The following SVEP1 variants were observed in gnomAD, a reference collection of about 807,000 sequenced individuals.
SVEP1 encodes sushi, von Willebrand factor type A, EGF and pentraxin domain-containing protein 1.
Under a neutral mutation model 367.3 loss-of-function variants are expected in SVEP1, and 164 were observed. The ratio of observed to expected loss-of-function variants is 0.45; its 90% CI spans 0.39 to 0.51. SVEP1 has a LOEUF of 0.51. SVEP1 is among the 20% of genes least tolerant of loss of function. The probability of loss-of-function intolerance (pLI) is 0.00; values close to 1 mark genes in which losing one functional copy is unlikely to be tolerated. For missense variants in SVEP1, 4,117 were observed against 4,425.3 expected (o/e 0.93, Z 1.98); for synonymous variants, 1,666 against 1,611.6 (o/e 1.03, Z -0.81).
intron 1 of SVEP1, among the ~76,000 whole-genome samples, chr9:110,572,186 C>G (rs1480121880): frequency 6.6e-6 from 1 of 152,168 alleles, no homozygotes; most frequent in African/African-American, 2.4e-5. Context: ...ATTTACTTAG[C>G]TATGTGATTT....
chr9:110,465,019 G>A (rs1216589404), intron 18 of SVEP1, among the ~76,000 whole-genome samples: 1 of 152,078 alleles, frequency 6.6e-6, no homozygotes, highest in Non-Finnish European at 1.5e-5. Context: ...ATGTTAGTCA[G>A]AAATACTTAA....
Position 110,386,043 on chromosome 9 carries a change from G to A in SVEP1, c.10092C>T (p.Pro3364=), listed in dbSNP as rs370352992. Residue 3364 remains proline (P), a synonymous_variant, in exon 43 of 48, where the codon CCC becomes CCT. Coordinates refer to ENST00000374469, the MANE Select transcript of SVEP1 (RefSeq NM_153366.4). The part of the protein sequence containing the change: ...PNPCPVPFVI[P]ENALLSEKEF... ...CCTTTTCAGACAGCAGAGCATTCTC[G>A]GGAATCACAAAAGGAACAGGGCATG... The A allele has an allele frequency of 7.3e-5, 118 of 1,613,302 alleles. No individual in the cohort carries two copies. Among genetic ancestry groups the A allele is most frequent in the Middle Eastern group, 4.9e-4 (3 of 6,078 alleles).
chr9:110,451,430 G>A, intron 22 of SVEP1, 28 bp from the exon 23 acceptor site: 1 of 1,584,906 alleles, frequency 6.3e-7, no homozygotes, highest in Non-Finnish European at 8.6e-7. Flanking sequence ...TCTTTGAGCT[G>A]GAGAAAACTT....
intron 37 of SVEP1, among the ~76,000 whole-genome samples, chr9:110,410,139 TA>T (rs1229372232): frequency 6.6e-6 from 1 of 152,250 alleles, no homozygotes; most frequent in African/African-American, 2.4e-5. Flanking sequence ...AAGCCTTAAA[TA>T]AAAGGCTTTT....
chr9:110,455,590 C>A lies in SVEP1; in HGVS notation c.3787G>T (p.Gly1263Cys). The A allele has an allele frequency of 6.2e-7, 1 of 1,609,578 alleles. No individual in the cohort carries two copies. The highest frequency in any genetic ancestry group is 1.3e-5 in the African/African-American group (1 of 74,884). The change falls in exon 22 of 48, where the codon GGT becomes TGT. Residue 1263 changes from glycine (G) to cysteine (C), a missense_variant and splice_region_variant. Transcript: ENST00000374469. ...FICECPSGYT[G>C]QRCEENINEC... Reference sequence around the variant, plus strand: ...TGAAAACAGGAGACCTTCCCCTTACCTGTGTAACCTGATGGGCACTCACAA... The same window carrying A: ...TGAAAACAGGAGACCTTCCCCTTACATGTGTAACCTGATGGGCACTCACAA...
Position 110,408,276 on chromosome 9 carries a change from G to C in SVEP1, c.7324C>G (p.Gln2442Glu), listed in dbSNP as rs773858716. 25 of 1,613,980 alleles carry C rather than the reference G, an allele frequency of 1.5e-5. No individual in the cohort carries two copies. Among genetic ancestry groups the C allele is most frequent in the Non-Finnish European group, 1.8e-5 (21 of 1,179,888 alleles). ...ATTCCATTGGGGATTTCCTCAGGTTGGGGACATTCTACTGGAACACATTCT... is the reference window on the plus strand; with the variant it reads ...ATTCCATTGGGGATTTCCTCAGGTTCGGGACATTCTACTGGAACACATTCT... ...LPECVPVECP[Q>E]PEEIPNGIID... Residue 2442 changes from glutamine to glutamate, a missense_variant, in exon 38 of 48, where the codon CAA becomes GAA. This residue lies in a region of SVEP1 where 1,765 missense variants were observed against 1,781.1 expected (regional missense o/e 0.99). Transcript: ENST00000374469.
intron 29 of SVEP1, among the ~76,000 whole-genome samples, chr9:110,434,734 C>T (rs7025500): frequency 0.84 from 123,051 of 147,112 alleles, 51,545 homozygotes; most frequent in East Asian, 0.99. Context: ...TTAGGAATGT[C>T]AATGAAATGT....
chr9:110,389,228 ACCC>A (rs3215846), intron 41 of SVEP1, among the ~76,000 whole-genome samples: 1 of 151,344 alleles, frequency 6.6e-6, no homozygotes, highest in Non-Finnish European at 1.5e-5. Flanking sequence ...ATTTGAGAAA[ACCC>A]CCCCAAAATG....
chr9:110,394,410 A>T (rs1239922971), intron 40 of SVEP1, among the ~76,000 whole-genome samples: 1 of 152,190 alleles, frequency 6.6e-6, no homozygotes, highest in Non-Finnish European at 1.5e-5. Context: ...AAAAAAACAG[A>T]GCAGAATAAC....
intron 8 of SVEP1, among the ~76,000 whole-genome samples, chr9:110,491,116 A>G (rs1035128054): frequency 2.2e-4 from 34 of 151,842 alleles, no homozygotes; most frequent in African/African-American, 8.2e-4. Flanking sequence ...CCCCTTTATG[A>G]TATTTTAAAA....
chr9:110,379,561 A>C (rs1197543303), intron 43 of SVEP1, 44 bp from the exon 44 acceptor site: 1 of 1,595,106 alleles, frequency 6.3e-7, no homozygotes, highest in East Asian at 2.2e-5. Context: ...CTATTAACAC[A>C]GACTGAGAAC....
chr9:110,552,210 G>A (rs1339671122), intron 1 of SVEP1, among the ~76,000 whole-genome samples: 1 of 151,306 alleles, frequency 6.6e-6, no homozygotes, highest in Non-Finnish European at 1.5e-5. Flanking sequence ...TTTTGTATTT[G>A]TAGTAGAAAC....
At position 110,496,724 on chromosome 9, in the gene SVEP1, C is replaced by T. The variant is rs543574689; in HGVS notation, c.1800+91G>A. ...CTAGAGAACCCTAATACAAGTATTA[C>T]CATGAGCATATTAGTAAGTCTTCAA... On this transcript the variant is annotated intron_variant, in intron 8 of 47. Transcript: ENST00000374469. The T allele has an allele frequency of 6.9e-6, 6 of 875,618 alleles. No individual in the cohort carries two copies. The South Asian group carries it at 9.9e-5, about 14-fold the overall frequency. 54.2% of individuals were successfully genotyped at this position (875,618 alleles called of 1,614,324 possible).
At chr9:110,368,408 C>T (rs1266409549) in intron 47 of SVEP1, among the ~76,000 whole-genome samples, 1 of 152,214 alleles carries the variant, frequency 6.6e-6, no homozygotes, top group African/African-American at 2.4e-5. Context: ...AGGTGAGCTA[C>T]ACCTCTCAGC....
chr9:110,481,616 G>A (rs1425739331), intron 11 of SVEP1, among the ~76,000 whole-genome samples, 180 bp from the exon 12 acceptor site: 6 of 152,222 alleles, frequency 3.9e-5, no homozygotes, highest in African/African-American at 1.4e-4. Flanking sequence ...TTCCTAGATT[G>A]ACATACATTG....
chr9:110,414,782 C>T (rs1430945253), intron 36 of SVEP1, among the ~76,000 whole-genome samples: 1 of 151,712 alleles, frequency 6.6e-6, no homozygotes, highest in Non-Finnish European at 1.5e-5. Context: ...AAAAGAGCAG[C>T]CTACTAGATA....
At chr9:110,381,900 G>A (rs1827444289) in intron 43 of SVEP1, among the ~76,000 whole-genome samples, 1 of 152,154 alleles carries the variant, frequency 6.6e-6, no homozygotes, top group Non-Finnish European at 1.5e-5. Flanking sequence ...ATTTAGGATA[G>A]TTAGTTCTTC....
chr9:110,394,298 T>A (rs1343133895), intron 40 of SVEP1, among the ~76,000 whole-genome samples: 1 of 152,204 alleles, frequency 6.6e-6, no homozygotes, highest in East Asian at 1.9e-4. Flanking sequence ...GGGTCCTGTC[T>A]GTTGAAGGAA....
At chr9:110,502,103 ATTTTT>A (rs35353042) in intron 6 of SVEP1, among the ~76,000 whole-genome samples, 1 of 135,818 alleles carries the variant, frequency 7.4e-6, no homozygotes, top group African/African-American at 2.7e-5. Flanking sequence ...AGTTCTTAGA[ATTTTT>A]TTTTTTTTTT....
Sources: allele counts gnomAD v4.1 joint callset (sites outside exome capture counted in the v4.1 genomes callset), GRCh38; gene constraint gnomAD v4.1.1; regional missense constraint gnomAD v4.1.1; transcripts MANE v1.5; gene names NCBI Gene and HGNC (gene_info 2026-07-23, HGNC 2026-07-21).